The following PDE1C variants were observed in gnomAD, a reference collection of about 807,000 sequenced individuals.
PDE1C encodes the protein dual specificity calcium/calmodulin-dependent 3',5'-cyclic nucleotide phosphodiesterase 1C.
Under a neutral mutation model 93.1 loss-of-function variants are expected in PDE1C, and 62 were observed. The observed-to-expected ratio is 0.67, with a 90% confidence interval of 0.54 to 0.82. The LOEUF (loss-of-function observed/expected upper bound fraction) is 0.82, where lower values mean the gene tolerates loss of function less well. Among genes scored for constraint, PDE1C ranks in the 40% least tolerant of loss-of-function variants. The pLI is 0.00. For synonymous variants in PDE1C, 325 were observed against 310.1 expected (o/e 1.05, Z -0.50); for missense variants, 742 against 884.6 (o/e 0.84, Z 2.04).
At chr7:31,852,485 G>C (rs368773503) in intron 7 of PDE1C, among the ~76,000 whole-genome samples, 3 of 152,078 alleles carry the variant, frequency 2.0e-5, no homozygotes, top group African/African-American at 7.2e-5. Context: ...CCTTGTAAAG[G>C]CAGCAAAGAG....
chr7:31,996,059 G>A (rs1265433828), intron 2 of PDE1C, among the ~76,000 whole-genome samples: 3 of 134,514 alleles, frequency 2.2e-5, no homozygotes, highest in Non-Finnish European at 4.7e-5. Flanking sequence ...GTCTCTTTAC[G>A]CTTCCGGACA....
At chr7:32,108,312 T>C (rs1406331030) in intron 3 of PDE1C, among the ~76,000 whole-genome samples, 6 of 148,242 alleles carry the variant, frequency 4.0e-5, no homozygotes, top group Non-Finnish European at 8.9e-5. Flanking sequence ...TTTACCTTCA[T>C]TGAGAGAAGG....
At chr7:31,992,977 C>T (rs140206616) in intron 2 of PDE1C, among the ~76,000 whole-genome samples, 52 of 152,256 alleles carry the variant, frequency 3.4e-4, no homozygotes, top group African/African-American at 8.4e-4. Context: ...ATCAAACGAT[C>T]GGCACCTACT....
chr7:31,914,135 T>A (rs565963697), intron 2 of PDE1C, among the ~76,000 whole-genome samples: 2 of 152,318 alleles, frequency 1.3e-5, no homozygotes, highest in African/African-American at 4.8e-5. Flanking sequence ...CCAATCTGAA[T>A]TACAGGTCAG....
chr7:32,024,383 A>C (rs1332597586), intron 2 of PDE1C, among the ~76,000 whole-genome samples: 2 of 150,892 alleles, frequency 1.3e-5, no homozygotes, highest in Non-Finnish European at 2.9e-5. Context: ...AGATATGTAG[A>C]TTTCTCAATA....
At chr7:32,233,656 G>T (rs567418524) in intron 1 of PDE1C, among the ~76,000 whole-genome samples, 1 of 152,116 alleles carries the variant, frequency 6.6e-6, no homozygotes, top group Admixed American at 6.6e-5. Context: ...AATACATACA[G>T]ATATAACAAC....
chr7:32,419,301 A>G (rs1022924017), intron 1 of PDE1C, among the ~76,000 whole-genome samples: 1 of 152,208 alleles, frequency 6.6e-6, no homozygotes, highest in Admixed American at 6.5e-5. Flanking sequence ...AGTATCCTCC[A>G]GAATATTTAT....
the PDE1C span, among the ~76,000 whole-genome samples, chr7:31,637,410 CTT>C: frequency 1.3e-5 from 2 of 152,124 alleles, no homozygotes; most frequent in African/African-American, 4.8e-5. Context: ...TGTTTCCTGA[CTT>C]TTTAATGATC....
rs771821566 is a variant in PDE1C, at chr7:32,376,277, A to AT, written c.310+51544dup. 7.2e-5 allele frequency among the ~76,000 whole-genome samples: 11 copies of AT among 152,326 alleles called. 2 individuals are homozygous for AT. The highest frequency in any genetic ancestry group is 1.9e-4 in the East Asian group (1 of 5,190). Reference sequence around the variant, plus strand: ...TGGCATTAGCAAAAAGATCTTTGTGATTTTATCTGCAGTCCAGCTTTGAAA... The same window carrying AT: ...TGGCATTAGCAAAAAGATCTTTGTGATTTTTATCTGCAGTCCAGCTTTGAAA... On this transcript the variant is annotated intron_variant, in intron 1 of 1. Coordinates refer to the PDE1C transcript ENST00000672256.
At chr7:31,903,678 C>G (rs1208997797) in intron 2 of PDE1C, among the ~76,000 whole-genome samples, 1 of 151,948 alleles carries the variant, frequency 6.6e-6, no homozygotes, top group Non-Finnish European at 1.5e-5. Flanking sequence ...ATTCTTTTCC[C>G]AAAGCTTCAA....
At chr7:31,962,841 T>C (rs1238912818) in intron 2 of PDE1C, among the ~76,000 whole-genome samples, 2 of 152,150 alleles carry the variant, frequency 1.3e-5, no homozygotes, top group Non-Finnish European at 2.9e-5. Flanking sequence ...GGTGAGGGCT[T>C]GCTACATGAG....
the PDE1C span, among the ~76,000 whole-genome samples, chr7:31,678,967 G>A: frequency 2.6e-5 from 4 of 152,158 alleles, no homozygotes; most frequent in Non-Finnish European, 5.9e-5. Flanking sequence ...ATTGTGATGC[G>A]AATGTAAGAA....
intron 1 of PDE1C, among the ~76,000 whole-genome samples, chr7:32,292,564 A>G (rs1439959891): frequency 1.3e-5 from 2 of 152,140 alleles, no homozygotes; most frequent in African/African-American, 4.8e-5. Flanking sequence ...GGTAGACACT[A>G]TTTATTATGT....
intron 1 of PDE1C, among the ~76,000 whole-genome samples, chr7:32,409,325 C>T (rs1333170865): frequency 6.6e-6 from 1 of 152,092 alleles, no homozygotes; most frequent in Non-Finnish European, 1.5e-5. Flanking sequence ...TGAGCCATTG[C>T]ACCCCAGCCT....
At chr7:31,808,380 G>A (rs1787119558) in intron 16 of PDE1C, 2 of 253,124 alleles carry the variant, frequency 7.9e-6, no homozygotes, top group African/African-American at 2.3e-5. Flanking sequence ...TTATGTAAAA[G>A]GCCAGGGCAG....
At chr7:31,710,094 A>T in the PDE1C span, among the ~76,000 whole-genome samples, 1 of 152,188 alleles carries the variant, frequency 6.6e-6, no homozygotes. Context: ...GGCTGCAGTG[A>T]GCTGTGATTG....
chr7:31,795,098 A>G (rs1041927761), intron 16 of PDE1C, among the ~76,000 whole-genome samples: 1 of 151,962 alleles, frequency 6.6e-6, no homozygotes, highest in Non-Finnish European at 1.5e-5. Context: ...AATGCTAAGA[A>G]AAAATGCAAA....
intron 1 of PDE1C, among the ~76,000 whole-genome samples, chr7:32,401,259 C>T (rs1784936362): frequency 6.6e-6 from 1 of 152,128 alleles, no homozygotes; most frequent in South Asian, 2.1e-4. Flanking sequence ...GAAATGTAGG[C>T]CGGGTACAGT....
intron 1 of PDE1C, among the ~76,000 whole-genome samples, chr7:32,348,453 C>A (rs1405822888): frequency 7.7e-6 from 1 of 130,160 alleles, no homozygotes; most frequent in Non-Finnish European, 1.5e-5. Flanking sequence ...CAAGCTCTGT[C>A]CACCAGGTTC....
Sources: allele counts gnomAD v4.1 joint callset (sites outside exome capture counted in the v4.1 genomes callset), GRCh38; gene constraint gnomAD v4.1.1; transcripts MANE v1.5; gene names NCBI Gene and HGNC (gene_info 2026-07-23, HGNC 2026-07-21).